The following CCSER1 variants were observed in gnomAD, a reference collection of about 807,000 sequenced individuals.
CCSER1 encodes the protein serine-rich coiled-coil domain-containing protein 1.
In CCSER1, 41 loss-of-function variants were observed where a neutral mutation model predicts 82.0. The ratio of observed to expected loss-of-function variants is 0.50; its 90% confidence interval spans 0.39 to 0.65. The LOEUF is 0.65. Among genes scored for constraint, CCSER1 ranks in the 30% least tolerant of loss-of-function variants. The pLI is 0.00. For synonymous variants in CCSER1, 414 were observed against 383.9 expected (o/e 1.08, Z -0.92); for missense variants, 1,119 against 1,064.2 (o/e 1.05, Z -0.72).
intron 10 of CCSER1, among the ~76,000 whole-genome samples, chr4:91,435,139 G>GTA (rs1754573392): frequency 6.6e-6 from 1 of 152,180 alleles, no homozygotes; most frequent in South Asian, 2.1e-4. Context: ...GGTATTTCAT[G>GTA]TATAACAAAA....
intron 10 of CCSER1, among the ~76,000 whole-genome samples, chr4:91,507,897 A>C (rs141387607): frequency 7.3e-5 from 11 of 151,314 alleles, no homozygotes; most frequent in Admixed American, 3.3e-4. Context: ...CTGTATAGAG[A>C]TAAAATTAAT....
At chr4:91,308,428 T>C (rs920754361) in intron 10 of CCSER1, among the ~76,000 whole-genome samples, 1 of 151,964 alleles carries the variant, frequency 6.6e-6, no homozygotes, top group Admixed American at 6.6e-5. Flanking sequence ...AACAAATCAC[T>C]AGGTAGGAGA....
At chr4:90,544,703 A>T (rs2153637503) in intron 5 of CCSER1, among the ~76,000 whole-genome samples, 1 of 152,040 alleles carries the variant, frequency 6.6e-6, no homozygotes, top group East Asian at 1.9e-4. Flanking sequence ...GACATTTTCT[A>T]CCCTAATTCC....
intron 3 of CCSER1, among the ~76,000 whole-genome samples, chr4:90,389,546 T>A (rs962288106): frequency 6.6e-6 from 1 of 152,230 alleles, no homozygotes; most frequent in African/African-American, 2.4e-5. Flanking sequence ...TTTAGTGACA[T>A]CATAATGGGA....
intron 1 of CCSER1, among the ~76,000 whole-genome samples, chr4:90,179,648 C>G (rs531183823): frequency 6.6e-6 from 1 of 152,194 alleles, no homozygotes; most frequent in Non-Finnish European, 1.5e-5. Context: ...CTCCCAAAGC[C>G]TTGGGATTAC....
At chr4:90,559,881 G>A (rs1392815327) in intron 5 of CCSER1, among the ~76,000 whole-genome samples, 1 of 149,692 alleles carries the variant, frequency 6.7e-6, no homozygotes, top group Non-Finnish European at 1.5e-5. Flanking sequence ...CTACTTAGGA[G>A]GCTGAGGTGG....
At chr4:91,530,382 T>C (rs910261503) in intron 10 of CCSER1, among the ~76,000 whole-genome samples, 1 of 152,086 alleles carries the variant, frequency 6.6e-6, no homozygotes, top group Non-Finnish European at 1.5e-5. Flanking sequence ...TAATGCATGA[T>C]TTAAGATCTT....
intron 10 of CCSER1, among the ~76,000 whole-genome samples, chr4:91,213,646 G>T (rs1444751145): frequency 6.6e-6 from 1 of 152,024 alleles, no homozygotes; most frequent in African/African-American, 2.4e-5. Context: ...ACTTTCAACT[G>T]CAAAATCAAA....
intron 5 of CCSER1, among the ~76,000 whole-genome samples, chr4:90,483,996 A>G (rs759708461): frequency 6.6e-6 from 1 of 152,196 alleles, no homozygotes; most frequent in Non-Finnish European, 1.5e-5. Context: ...TCTCCCCATC[A>G]CTTTCAGGTA....
chr4:90,492,126 G>C (rs1768129669), intron 5 of CCSER1, among the ~76,000 whole-genome samples: 1 of 152,050 alleles, frequency 6.6e-6, no homozygotes, highest in Non-Finnish European at 1.5e-5. Context: ...GGTAGAATTT[G>C]GGTGTGAATC....
chr4:90,415,360 C>T (rs1273086232), intron 4 of CCSER1, among the ~76,000 whole-genome samples: 2 of 152,048 alleles, frequency 1.3e-5, no homozygotes, highest in African/African-American at 4.8e-5. Flanking sequence ...AAGCTTGGAG[C>T]CTTATAAGGA....
At chr4:90,396,080 C>T (rs537379467) in intron 3 of CCSER1, among the ~76,000 whole-genome samples, 8 of 152,104 alleles carry the variant, frequency 5.3e-5, no homozygotes, top group South Asian at 2.1e-4. Flanking sequence ...GACTCCATCT[C>T]GAAAAACAAA....
At chr4:91,215,532 G>T (rs1737172537) in intron 10 of CCSER1, among the ~76,000 whole-genome samples, 2 of 152,120 alleles carry the variant, frequency 1.3e-5, no homozygotes, top group Admixed American at 6.6e-5. Flanking sequence ...ATGTTCAAGG[G>T]TAGGAAGCAA....
intron 7 of CCSER1, among the ~76,000 whole-genome samples, chr4:90,772,904 G>A (rs1442334624): frequency 1.3e-5 from 2 of 152,024 alleles, no homozygotes; most frequent in African/African-American, 4.8e-5. Context: ...TGTTGCACAC[G>A]AAATGAAATA....
chr4:90,985,736 C>G (rs775355695), intron 9 of CCSER1, among the ~76,000 whole-genome samples: 1 of 151,434 alleles, frequency 6.6e-6, no homozygotes, highest in African/African-American at 2.4e-5. Context: ...AATTTTAATT[C>G]GCTGGCTAAT....
intron 10 of CCSER1, among the ~76,000 whole-genome samples, chr4:91,162,016 T>A (rs949440547): frequency 6.6e-6 from 1 of 152,196 alleles, no homozygotes; most frequent in Non-Finnish European, 1.5e-5. Context: ...GGTGCCAGAT[T>A]TCAAAGGGAA....
At chr4:90,774,108 G>A (rs2149578704) in intron 7 of CCSER1, among the ~76,000 whole-genome samples, 1 of 152,168 alleles carries the variant, frequency 6.6e-6, no homozygotes, top group Admixed American at 6.5e-5. Flanking sequence ...TGAACTCTCA[G>A]TACTTATTTA....
chr4:90,540,635 T>C (rs1010222517), intron 5 of CCSER1, among the ~76,000 whole-genome samples: 5 of 152,088 alleles, frequency 3.3e-5, no homozygotes, highest in Admixed American at 2.0e-4. Context: ...ACTTAATTGA[T>C]ATATTTGTAT....
At chr4:91,445,778 T>G (rs1639097583) in intron 10 of CCSER1, among the ~76,000 whole-genome samples, 1 of 152,036 alleles carries the variant, frequency 6.6e-6, no homozygotes, top group Non-Finnish European at 1.5e-5. Flanking sequence ...AACAAAAAAA[T>G]TGGCCCAAGT....
Sources: allele counts gnomAD v4.1 joint callset (sites outside exome capture counted in the v4.1 genomes callset), GRCh38; gene constraint gnomAD v4.1.1; transcripts MANE v1.5; gene names NCBI Gene and HGNC (gene_info 2026-07-23, HGNC 2026-07-21).